Variants in AKAP19 observed in about 807,000 individuals in gnomAD.
AKAP19 encodes small A-kinase anchoring protein.
the AKAP19 span, among the ~76,000 whole-genome samples, chr2:190,193,325 C>A: frequency 5.2e-4 from 79 of 152,098 alleles, no homozygotes; most frequent in Middle Eastern, 3.4e-3. Flanking sequence ...CCATTTTACA[C>A]GTTAGATTCA....
chr2:189,948,824 T>A, the AKAP19 span, among the ~76,000 whole-genome samples: 11 of 152,200 alleles, frequency 7.2e-5, no homozygotes, highest in African/African-American at 2.7e-4. Context: ...TAAAATCATT[T>A]TTTTTTCTTA....
chr2:189,965,950 G>C, the AKAP19 span, among the ~76,000 whole-genome samples: 1 of 148,010 alleles, frequency 6.8e-6, no homozygotes, highest in African/African-American at 2.5e-5. Context: ...ATGTATGTAT[G>C]TATGTGTGTG....
the AKAP19 span, among the ~76,000 whole-genome samples, chr2:190,084,783 C>T: frequency 1.3e-5 from 2 of 152,294 alleles, no homozygotes; most frequent in African/African-American, 4.8e-5. Context: ...GCTAAATGGA[C>T]TTTGACAAGT....
chr2:190,167,963 G>A, the AKAP19 span, among the ~76,000 whole-genome samples: 1 of 152,188 alleles, frequency 6.6e-6, no homozygotes, highest in African/African-American at 2.4e-5. Flanking sequence ...GGCTCCACCA[G>A]GTGGTGCCCC....
the AKAP19 span, among the ~76,000 whole-genome samples, chr2:190,053,642 G>A: frequency 1.3e-5 from 2 of 152,082 alleles, no homozygotes; most frequent in African/African-American, 2.4e-5. Context: ...TGCCAGACAA[G>A]TCATGACTTG....
the AKAP19 span, among the ~76,000 whole-genome samples, chr2:189,962,030 ATGGAAAC>A: frequency 6.6e-6 from 1 of 152,276 alleles, no homozygotes; most frequent in African/African-American, 2.4e-5. Flanking sequence ...TATCAATCTA[ATGGAAAC>A]TGTGAAAACC....
At chr2:190,135,796 A>G in the AKAP19 span, among the ~76,000 whole-genome samples, 3 of 152,260 alleles carry the variant, frequency 2.0e-5, no homozygotes, top group Admixed American at 6.5e-5. Context: ...CACTATACAA[A>G]CATGAACTCT....
the AKAP19 span, among the ~76,000 whole-genome samples, chr2:189,906,731 G>C: frequency 6.6e-6 from 1 of 151,852 alleles, no homozygotes; most frequent in Admixed American, 6.6e-5. Context: ...GAACATTTCA[G>C]TTGTTATAAT....
chr2:189,896,922 G>T, the AKAP19 span, among the ~76,000 whole-genome samples: 1 of 151,874 alleles, frequency 6.6e-6, no homozygotes, highest in Admixed American at 6.6e-5. Flanking sequence ...TCAAATATAA[G>T]GCATATATGT....
the AKAP19 span, among the ~76,000 whole-genome samples, chr2:190,040,014 T>C: frequency 2.0e-5 from 3 of 152,212 alleles, no homozygotes; most frequent in African/African-American, 7.2e-5. Flanking sequence ...GGTAGAATGG[T>C]TTACATACAT....
At chr2:189,984,512 T>C in the AKAP19 span, among the ~76,000 whole-genome samples, 1 of 152,208 alleles carries the variant, frequency 6.6e-6, no homozygotes, top group Non-Finnish European at 1.5e-5. Flanking sequence ...GATTTCATAA[T>C]GCACAAACAC....
the AKAP19 span, among the ~76,000 whole-genome samples, chr2:190,181,988 A>G: frequency 2.0e-5 from 3 of 152,188 alleles, no homozygotes. Context: ...TCAGTTTTTA[A>G]TTTTGTTTTG....
At chr2:189,916,332 T>A in the AKAP19 span, among the ~76,000 whole-genome samples, 2,193 of 139,934 alleles carry the variant, frequency 0.016, 35 homozygotes, top group Non-Finnish European at 0.02. Flanking sequence ...TTTTCTTCTT[T>A]TTTTTTTTTT....
chr2:190,178,446 C>T, the AKAP19 span, among the ~76,000 whole-genome samples: 4 of 152,206 alleles, frequency 2.6e-5, no homozygotes, highest in Non-Finnish European at 5.9e-5. This position sits in a 1 kb window ranked among gnomAD's most constrained non-coding sequence, Gnocchi z 6.3. Flanking sequence ...GGTGGTGGTG[C>T]GGTCTCCCCA....
the AKAP19 span, among the ~76,000 whole-genome samples, chr2:190,165,430 C>G: frequency 6.6e-6 from 1 of 151,938 alleles, no homozygotes; most frequent in African/African-American, 2.4e-5. Context: ...GAACGAGACT[C>G]CATCTCAAAA....
chr2:189,930,983 A>G, the AKAP19 span: 1 of 832,786 alleles, frequency 1.2e-6, no homozygotes, highest in Non-Finnish European at 2.0e-6. Flanking sequence ...ATGTCATCCG[A>G]GGTGGGGGAT....
At chr2:190,180,984 C>G in the AKAP19 span, 1 of 985,688 alleles carries the variant, frequency 1.0e-6, no homozygotes. The surrounding 1 kb of genome is among the most constrained non-coding windows in gnomAD (Gnocchi z 6.8). Flanking sequence ...CAGCAAGCCC[C>G]CCTCCCACGA....
the AKAP19 span, among the ~76,000 whole-genome samples, chr2:189,985,953 G>A: frequency 6.6e-6 from 1 of 152,102 alleles, no homozygotes; most frequent in African/African-American, 2.4e-5. Flanking sequence ...AAAAAAAGAT[G>A]AAGTAAAATT....
At chr2:190,138,127 TG>T in the AKAP19 span, among the ~76,000 whole-genome samples, 1 of 152,208 alleles carries the variant, frequency 6.6e-6, no homozygotes, top group Non-Finnish European at 1.5e-5. Context: ...GTATGAAACA[TG>T]CTTCAGAAAC....
Sources: allele counts gnomAD v4.1 joint callset (sites outside exome capture counted in the v4.1 genomes callset), GRCh38; gene constraint gnomAD v4.1.1; non-coding constraint Gnocchi (gnomAD v3.1); transcripts MANE v1.5; gene names NCBI Gene and HGNC (gene_info 2026-07-23, HGNC 2026-07-21).